Variants in MSRA observed in about 807,000 individuals in gnomAD.
MSRA encodes methionine sulfoxide reductase A, also known as mitochondrial peptide methionine sulfoxide reductase.
In MSRA, 54 loss-of-function variants were observed where a neutral mutation model predicts 31.3. The ratio of observed to expected loss-of-function variants is 1.73; its 90% confidence interval spans 1.39 to 2.17. The LOEUF (loss-of-function observed/expected upper bound fraction) is 2.17, where lower values mean the gene tolerates loss of function less well. Ranked by LOEUF, MSRA falls within the 30% of genes most tolerant of loss-of-function variation. The pLI is 0.00. For synonymous variants in MSRA, 169 were observed against 116.5 expected (o/e 1.45, Z -2.90); for missense variants, 507 against 300.9 (o/e 1.69, Z -5.07).
chr8:10,114,456 A>C (rs1800530022), intron 1 of MSRA, among the ~76,000 whole-genome samples: 1 of 152,030 alleles, frequency 6.6e-6, no homozygotes, highest in African/African-American at 2.4e-5. Flanking sequence ...GCTACCAATA[A>C]AGTATGAGCA....
intron 1 of MSRA, among the ~76,000 whole-genome samples, chr8:10,190,136 A>C (rs984195713): frequency 7.2e-5 from 11 of 152,084 alleles, no homozygotes; most frequent in Admixed American, 6.5e-5. Context: ...AAGCATTGTC[A>C]GTAGAGGGCG....
chr8:10,197,487 T>A (rs1044774928), intron 1 of MSRA, among the ~76,000 whole-genome samples: 1 of 151,986 alleles, frequency 6.6e-6, no homozygotes, highest in Non-Finnish European at 1.5e-5. Context: ...CCCTAAGAAG[T>A]GGGTCGGGCA....
intron 5 of MSRA, among the ~76,000 whole-genome samples, chr8:10,383,798 T>C (rs944205078): frequency 9.9e-5 from 15 of 152,240 alleles, no homozygotes; most frequent in Admixed American, 9.8e-4. Context: ...ATTTCCTTCC[T>C]GCTTGCTGTC....
At chr8:10,385,453 C>T (rs537214355) in intron 5 of MSRA, among the ~76,000 whole-genome samples, 13 of 152,004 alleles carry the variant, frequency 8.6e-5, no homozygotes, top group Non-Finnish European at 1.5e-4. Context: ...TGGTACATGG[C>T]GGGTGGAAGC....
chr8:10,099,466 C>G (rs1320203104), intron 1 of MSRA, among the ~76,000 whole-genome samples: 1 of 152,190 alleles, frequency 6.6e-6, no homozygotes, highest in African/African-American at 2.4e-5. Context: ...GGTACCTTTT[C>G]AGGTTACCAA....
intron 3 of MSRA, among the ~76,000 whole-genome samples, chr8:10,298,515 T>G (rs6601427): frequency 6.6e-6 from 1 of 151,876 alleles, no homozygotes; most frequent in Admixed American, 6.6e-5. Context: ...AATATCAGTT[T>G]TGCGAGATGA....
At chr8:10,245,356 T>C in intron 3 of MSRA, 133 bp downstream of exon 3, 1 of 786,906 alleles carries the variant, frequency 1.3e-6, no homozygotes. Flanking sequence ...TATTTGTATA[T>C]ATATACTTGT....
Position 10,189,657 on chromosome 8 carries a change from G to T in MSRA, c.143-18176G>T, listed in dbSNP as rs189065729. ...ATGACATTAATTGAATTTTTTCATTGTTAAAACAACTTTGAATTCCTTGGA... is the reference window on the plus strand; with the variant it reads ...ATGACATTAATTGAATTTTTTCATTTTTAAAACAACTTTGAATTCCTTGGA... On this transcript the variant is annotated intron_variant, in intron 1 of 5. Transcript: ENST00000317173. 5.5e-4 allele frequency among the ~76,000 whole-genome samples: 83 copies of T among 151,980 alleles called. 1 individual carries two copies. Among genetic ancestry groups the T allele is most frequent in the Admixed American group, 4.7e-3 (72 of 15,260 alleles).
intron 2 of MSRA, among the ~76,000 whole-genome samples, chr8:10,217,172 C>G (rs1810066252): frequency 2.0e-5 from 3 of 152,160 alleles, no homozygotes; most frequent in African/African-American, 7.2e-5. Flanking sequence ...GGGGGAATCA[C>G]ACATATTTTG....
At chr8:10,268,843 C>A (rs964834323) in intron 3 of MSRA, among the ~76,000 whole-genome samples, 7 of 152,236 alleles carry the variant, frequency 4.6e-5, no homozygotes, top group Non-Finnish European at 1.5e-5. Flanking sequence ...GAATGCTTTC[C>A]TGTTATCCTC....
At chr8:10,144,843 C>T (rs1037727626) in intron 1 of MSRA, among the ~76,000 whole-genome samples, 1 of 152,168 alleles carries the variant, frequency 6.6e-6, no homozygotes, top group Non-Finnish European at 1.5e-5. Context: ...CTGTGCTTCT[C>T]TGTTAACTCT....
chr8:10,374,015 C>T (rs116443737), intron 5 of MSRA, among the ~76,000 whole-genome samples: 1,531 of 152,286 alleles, frequency 0.01, 24 homozygotes, highest in African/African-American at 0.035. Flanking sequence ...CCCAGCTCAC[C>T]GCACACCCAG....
chr8:10,317,877 T>C (rs927442251), intron 4 of MSRA, among the ~76,000 whole-genome samples: 1 of 152,180 alleles, frequency 6.6e-6, no homozygotes, highest in Non-Finnish European at 1.5e-5. Flanking sequence ...CTGTAGCTCA[T>C]GGGAGTCTGA....
intron 3 of MSRA, among the ~76,000 whole-genome samples, chr8:10,264,724 G>C (rs1455406657): frequency 6.6e-6 from 1 of 152,236 alleles, no homozygotes; most frequent in Non-Finnish European, 1.5e-5. Context: ...GATGACTAGT[G>C]AGAAGCCTTG....
chr8:10,194,175 G>C (rs977931916), intron 1 of MSRA, among the ~76,000 whole-genome samples: 2 of 152,086 alleles, frequency 1.3e-5, no homozygotes, highest in Non-Finnish European at 2.9e-5. Flanking sequence ...AAGTAAAAAA[G>C]GGGTGAACCC....
chr8:10,405,447 G>A (rs1175663922), intron 5 of MSRA, among the ~76,000 whole-genome samples: 1 of 152,224 alleles, frequency 6.6e-6, no homozygotes, highest in Non-Finnish European at 1.5e-5. Flanking sequence ...AGGAAGATGA[G>A]CTCTCTGCCA....
At chr8:10,295,110 C>A (rs1800462028) in intron 3 of MSRA, among the ~76,000 whole-genome samples, 1 of 152,126 alleles carries the variant, frequency 6.6e-6, no homozygotes, top group Non-Finnish European at 1.5e-5. Context: ...CGTCTCTAAA[C>A]TGCCTTTAAG....
intron 5 of MSRA, among the ~76,000 whole-genome samples, chr8:10,419,664 G>C (rs1465805505): frequency 2.0e-5 from 3 of 152,212 alleles, no homozygotes; most frequent in Admixed American, 6.5e-5. Context: ...GGCACTCTGA[G>C]TATGTCTCCT....
intron 5 of MSRA, among the ~76,000 whole-genome samples, chr8:10,327,549 C>T (rs1342184501): frequency 6.6e-6 from 1 of 152,166 alleles, no homozygotes; most frequent in Non-Finnish European, 1.5e-5. Flanking sequence ...ACTCCCTAAG[C>T]TCTTCAGTTA....
Sources: allele counts gnomAD v4.1 joint callset (sites outside exome capture counted in the v4.1 genomes callset), GRCh38; gene constraint gnomAD v4.1.1; transcripts MANE v1.5; gene names NCBI Gene and HGNC (gene_info 2026-07-23, HGNC 2026-07-21).